The following VTI1A variants were observed in gnomAD, a reference collection of about 807,000 sequenced individuals.
The protein encoded by VTI1A is vesicle transport through interaction with t-SNAREs homolog 1A.
VTI1A carries 22 observed loss-of-function variants against 34.9 expected under a neutral mutation model. That is an observed-to-expected ratio of 0.63 (90% confidence interval 0.45 to 0.90). VTI1A has a LOEUF of 0.90. VTI1A is among the 40% of genes least tolerant of loss of function. The probability of loss-of-function intolerance (pLI) is 0.00; values close to 1 mark genes in which losing one functional copy is unlikely to be tolerated. For missense variants in VTI1A, 268 were observed against 275.6 expected, an observed-to-expected ratio of 0.97 and a Z score of 0.20; for synonymous variants, 87 against 97.3, an observed-to-expected ratio of 0.89 and a Z score of 0.62.
At chr10:112,539,312 G>A (rs760412899) in intron 5 of VTI1A, among the ~76,000 whole-genome samples, 28 of 152,170 alleles carry the variant, frequency 1.8e-4, no homozygotes, top group Non-Finnish European at 3.8e-4. Flanking sequence ...TTTCTTTTAT[G>A]AATGGCCAGT....
rs200901480 is a variant in VTI1A at position 112,560,148 on chromosome 10, G to T, written c.427+21818G>T. 3.9e-5 allele frequency among the ~76,000 whole-genome samples: 6 copies of T among 152,128 alleles called. No homozygotes were observed. In the East Asian group the frequency reaches 9.6e-4, roughly 24 times the overall value. On this transcript the variant is annotated intron_variant, in intron 5 of 7. Coordinates refer to ENST00000393077, the MANE Select transcript of VTI1A (RefSeq NM_145206.4). The stretch of plus-strand genomic sequence containing the variant: ...TAGGGTGAGCGATGTTTAGTAATGG[G>T]TGTACTTTAACATATAAAGATTTTC...
At chr10:112,688,769 G>C (rs748615351) in intron 7 of VTI1A, among the ~76,000 whole-genome samples, 1 of 151,802 alleles carries the variant, frequency 6.6e-6, no homozygotes, top group African/African-American at 2.4e-5. Flanking sequence ...AAACTCCTGA[G>C]CTCAGGTGAT....
chr10:112,547,323 T>A (rs554331851), intron 5 of VTI1A, among the ~76,000 whole-genome samples: 1 of 152,144 alleles, frequency 6.6e-6, no homozygotes, highest in East Asian at 1.9e-4. Flanking sequence ...ATGCCTGTAA[T>A]CCCAGCACTT....
chr10:112,619,232 A>G (rs905565494), intron 5 of VTI1A, among the ~76,000 whole-genome samples: 1 of 152,176 alleles, frequency 6.6e-6, no homozygotes, highest in Non-Finnish European at 1.5e-5. Context: ...TGCATTTGGA[A>G]AACAGTTATT....
chr10:112,515,101 G>A lies in VTI1A; in HGVS notation c.265-11986G>A, dbSNP rs115155376. Among the ~76,000 whole-genome samples, 954 of 152,172 alleles carry A rather than the reference G, an allele frequency of 6.3e-3. 15 individuals carry two copies. Among genetic ancestry groups the A allele is most frequent in the African/African-American group, 0.022 (909 of 41,542 alleles). ...TGTTTAGAAAATTACATGGGTTCAAGTGAAGTTTTTGACCCTTACTTATTT... is the reference window on the plus strand; with the variant it reads ...TGTTTAGAAAATTACATGGGTTCAAATGAAGTTTTTGACCCTTACTTATTT... On this transcript the variant is annotated intron_variant, in intron 3 of 7. Coordinates refer to ENST00000393077, the MANE Select transcript of VTI1A (RefSeq NM_145206.4).
chr10:112,617,877 G>A (rs1977327), intron 5 of VTI1A, among the ~76,000 whole-genome samples: 81,255 of 152,036 alleles, frequency 0.53, 22,085 homozygotes, highest in Admixed American at 0.64. Flanking sequence ...CAAAGTGGCC[G>A]GGCACAGCGG....
chr10:112,573,325 C>G (rs1852210668), intron 5 of VTI1A, among the ~76,000 whole-genome samples: 1 of 152,064 alleles, frequency 6.6e-6, no homozygotes, highest in South Asian at 2.1e-4. Context: ...AGCCCTAGAT[C>G]TCTTTATTGT....
chr10:112,623,044 C>A (rs1845788764), intron 5 of VTI1A, among the ~76,000 whole-genome samples: 1 of 152,254 alleles, frequency 6.6e-6, no homozygotes, highest in African/African-American at 2.4e-5. Context: ...TTGGGTGGTA[C>A]ACCTGAAAAG....
intron 5 of VTI1A, among the ~76,000 whole-genome samples, chr10:112,585,976 A>G (rs1007079708): frequency 1.3e-5 from 2 of 152,130 alleles, no homozygotes; most frequent in Admixed American, 6.5e-5. Context: ...CTCTGTTTGT[A>G]TACAGTGTAT....
chr10:112,492,619 C>G (rs1004362958), intron 3 of VTI1A, among the ~76,000 whole-genome samples: 1 of 151,964 alleles, frequency 6.6e-6, no homozygotes, highest in Non-Finnish European at 1.5e-5. Flanking sequence ...GACCCTGTCT[C>G]TACAAAAAAA....
At chr10:112,486,877 A>G (rs2134113434) in intron 3 of VTI1A, among the ~76,000 whole-genome samples, 1 of 151,770 alleles carries the variant, frequency 6.6e-6, no homozygotes, top group Admixed American at 6.6e-5. Flanking sequence ...GCATTTCCAC[A>G]TCCACATTCT....
At chr10:112,458,505 G>A (rs1847618072) in intron 1 of VTI1A, among the ~76,000 whole-genome samples, 1 of 152,100 alleles carries the variant, frequency 6.6e-6, no homozygotes, top group Non-Finnish European at 1.5e-5. Flanking sequence ...TTCTTAGGGA[G>A]AAATATTGTG....
At chr10:112,835,077 A>C in the VTI1A span, among the ~76,000 whole-genome samples, 1 of 152,282 alleles carries the variant, frequency 6.6e-6, no homozygotes, top group South Asian at 2.1e-4. Context: ...ATGCTTAGAC[A>C]CAGGGCCCGT....
chr10:112,484,827 A>T (rs1848565013), intron 3 of VTI1A: 2 of 151,568 alleles, frequency 1.3e-5, no homozygotes, highest in African/African-American at 4.9e-5. Context: ...AAACATAAGT[A>T]TTCCAATGAA....
intron 7 of VTI1A, among the ~76,000 whole-genome samples, chr10:112,670,482 G>C (rs1847807472): frequency 6.6e-6 from 1 of 152,072 alleles, no homozygotes; most frequent in Non-Finnish European, 1.5e-5. Context: ...ATTCAAATAA[G>C]GATTTATGGG....
chr10:112,506,751 G>A (rs1849445943), intron 3 of VTI1A, among the ~76,000 whole-genome samples: 1 of 152,062 alleles, frequency 6.6e-6, no homozygotes, highest in Non-Finnish European at 1.5e-5. Flanking sequence ...TTCCTCTTCA[G>A]TTAAAGAACT....
rs537688078 is a variant in VTI1A at position 112,736,904 on chromosome 10, G to A, written c.560+67906G>A. 1.4e-4 allele frequency: 100 copies of A among 695,462 alleles called. 2 individuals carry two copies. Among genetic ancestry groups the A allele is most frequent in the African/African-American group, 9.5e-4 (54 of 56,962 alleles). 43.1% of individuals were successfully genotyped at this position (695,462 alleles called of 1,614,324 possible). A position where few individuals can be genotyped will look rare whatever the true frequency, so the allele number is the denominator to read the frequency against. The stretch of plus-strand genomic sequence containing the variant: ...TGCTGGTGGAAGTATTTATAGATGC[G>A]CAGTGCATGAGTACTTGGCAAGGAT... On this transcript the variant is annotated intron_variant, in intron 7 of 7. Coordinates refer to ENST00000393077, the MANE Select transcript of VTI1A (RefSeq NM_145206.4).
intron 3 of VTI1A, among the ~76,000 whole-genome samples, chr10:112,500,447 A>G (rs1849190987): frequency 1.3e-5 from 2 of 152,160 alleles, no homozygotes; most frequent in African/African-American, 4.8e-5. Context: ...AAGAAAAAAA[A>G]GAAAAGAAAA....
chr10:112,832,687 G>A, the VTI1A span, among the ~76,000 whole-genome samples: 1 of 152,234 alleles, frequency 6.6e-6, no homozygotes, highest in Non-Finnish European at 1.5e-5. Context: ...ATATGGAAAT[G>A]TTTCCCAGAG....
Sources: allele counts gnomAD v4.1 joint callset (sites outside exome capture counted in the v4.1 genomes callset), GRCh38; gene constraint gnomAD v4.1.1; transcripts MANE v1.5; gene names NCBI Gene and HGNC (gene_info 2026-07-23, HGNC 2026-07-21).